The following TIAM1 variants were observed in gnomAD, a reference collection of about 807,000 sequenced individuals.
The protein encoded by TIAM1 is rho guanine nucleotide exchange factor TIAM1.
A neutral mutation model predicts 163.5 loss-of-function variants in TIAM1; 65 were observed. The observed-to-expected ratio is 0.40, with a 90% confidence interval of 0.33 to 0.49. TIAM1 has a LOEUF of 0.49. TIAM1 is among the 20% of genes least tolerant of loss of function. The pLI is 0.77. For missense variants in TIAM1, 1,789 were observed against 2,044.7 expected (o/e 0.87, Z 2.41); for synonymous variants, 833 against 810.1 (o/e 1.03, Z -0.48).
chr21:31,245,621 C>T lies in TIAM1; in HGVS notation c.1451G>A (p.Gly484Glu), dbSNP rs2071459615. 1.3e-6 allele frequency: 2 copies of T among 1,592,986 alleles called. No individual in the cohort carries two copies. Among genetic ancestry groups the T allele is most frequent in the Middle Eastern group, 3.3e-4 (2 of 5,988 alleles). The change falls in exon 6 of 28, where the codon GGG (glycine) becomes GAG (glutamate). Residue 484 changes from glycine (G) to glutamate (E), a missense_variant. Gly to Glu is a moderately conservative substitution (Grantham distance 98). Coordinates refer to ENST00000541036, the MANE Select transcript of TIAM1 (RefSeq NM_001353694.2). ...LFFYESDGRS[G>E]IDHNSIPKHA... ...TTTGGGGATGCTGTTGTGGTCTATC[C>T]CAGACCTGCCGTCGCTCTCGTAGAA... is the stretch of plus-strand genomic sequence containing the variant.
At chr21:31,440,251 TCAGAA>T (rs2044371010) in intron 2 of TIAM1, among the ~76,000 whole-genome samples, 1 of 152,112 alleles carries the variant, frequency 6.6e-6, no homozygotes, top group African/African-American at 2.4e-5. Context: ...AATGAGAAAC[TCAGAA>T]AAAGTCTCAC....
intron 2 of TIAM1, among the ~76,000 whole-genome samples, chr21:31,392,296 C>T (rs2076978021): frequency 1.3e-5 from 2 of 152,038 alleles, no homozygotes; most frequent in Non-Finnish European, 2.9e-5. Flanking sequence ...TGAGGCTGGG[C>T]GCGGTGGCTC....
At chr21:31,286,320 T>C (rs145867045) in intron 2 of TIAM1, among the ~76,000 whole-genome samples, 3 of 152,150 alleles carry the variant, frequency 2.0e-5, no homozygotes, top group East Asian at 1.9e-4. Flanking sequence ...TCCTAGCATG[T>C]TGGGAGGCTG....
chr21:31,287,980 G>A (rs937848538), intron 2 of TIAM1, among the ~76,000 whole-genome samples: 6 of 152,082 alleles, frequency 3.9e-5, no homozygotes, highest in South Asian at 2.1e-4. Context: ...ACCAGGACTC[G>A]GTGGCCACAT....
chr21:31,493,060 CTGTT>C (rs1179286166), intron 1 of TIAM1, among the ~76,000 whole-genome samples: 1 of 152,050 alleles, frequency 6.6e-6, no homozygotes, highest in Non-Finnish European at 1.5e-5. Context: ...TTGGAACTGT[CTGTT>C]CATCAAAACC....
At chr21:31,536,982 C>T (rs1029279700) in intron 1 of TIAM1, among the ~76,000 whole-genome samples, 6 of 152,236 alleles carry the variant, frequency 3.9e-5, no homozygotes, top group African/African-American at 1.4e-4. Flanking sequence ...GGCAGGACTG[C>T]ACTCCCTCAA....
At chr21:31,199,531 CA>C (rs1242787414) in intron 12 of TIAM1, among the ~76,000 whole-genome samples, 2 of 137,924 alleles carry the variant, frequency 1.5e-5, no homozygotes, top group East Asian at 2.4e-4. Flanking sequence ...CAGCCTAGAA[CA>C]TTTTTTTTTT....
At chr21:31,321,148 G>C (rs1009707190) in intron 2 of TIAM1, among the ~76,000 whole-genome samples, 6 of 149,878 alleles carry the variant, frequency 4.0e-5, no homozygotes, top group Non-Finnish European at 5.9e-5. Flanking sequence ...AGAAGGGGGC[G>C]GGGGGGGATG....
chr21:31,411,885 T>C (rs2147241629), intron 2 of TIAM1, among the ~76,000 whole-genome samples: 1 of 145,292 alleles, frequency 6.9e-6, no homozygotes, highest in East Asian at 2.2e-4. Context: ...TAATGGGCAA[T>C]CGGACAGCAC....
At chr21:31,284,280 CTTGG>C (rs1461680937) in intron 2 of TIAM1, among the ~76,000 whole-genome samples, 3 of 152,118 alleles carry the variant, frequency 2.0e-5, no homozygotes, top group Non-Finnish European at 4.4e-5. Context: ...ATATCAACAC[CTTGG>C]TTTAGAAGAG....
intron 8 of TIAM1, among the ~76,000 whole-genome samples, chr21:31,219,024 C>CTTTT (rs35555743): frequency 1.2e-4 from 11 of 88,530 alleles, no homozygotes; most frequent in Admixed American, 4.8e-4. Context: ...GAAGCATTTC[C>CTTTT]TTTTTTTTTT....
intron 2 of TIAM1, among the ~76,000 whole-genome samples, chr21:31,337,369 C>T (rs1230972707): frequency 3.9e-5 from 6 of 152,068 alleles, no homozygotes; most frequent in Admixed American, 3.3e-4. Flanking sequence ...CCCCTAAAGG[C>T]ACCCTCCACC....
intron 6 of TIAM1, among the ~76,000 whole-genome samples, chr21:31,238,326 C>T (rs182894436): frequency 6.6e-6 from 1 of 152,224 alleles, no homozygotes; most frequent in East Asian, 1.9e-4. Context: ...GGTATCCAAA[C>T]AGCAGTAATT....
chr21:31,349,721 C>A (rs1391815970), intron 2 of TIAM1, among the ~76,000 whole-genome samples: 1 of 152,112 alleles, frequency 6.6e-6, no homozygotes, highest in Non-Finnish European at 1.5e-5. Flanking sequence ...CAGGGAGTAT[C>A]CCATCGGGGA....
intron 2 of TIAM1, among the ~76,000 whole-genome samples, chr21:31,319,789 A>AG (rs1387967631): frequency 1.3e-5 from 2 of 151,392 alleles, no homozygotes; most frequent in Non-Finnish European, 2.9e-5. Context: ...CAAAAAAAAA[A>AG]AAAAAAAAAA....
chr21:31,448,636 C>A (rs1479629389), intron 2 of TIAM1, among the ~76,000 whole-genome samples: 2 of 148,542 alleles, frequency 1.3e-5, no homozygotes, highest in African/African-American at 4.9e-5. Context: ...ACAAGAAGTG[C>A]AAATTGGAGA....
intron 2 of TIAM1, among the ~76,000 whole-genome samples, chr21:31,463,584 G>A (rs541425799): frequency 1.3e-5 from 2 of 152,238 alleles, no homozygotes; most frequent in South Asian, 4.2e-4. Flanking sequence ...TTGGGAGGCC[G>A]AGGCAGACGG....
chr21:31,433,050 T>A (rs2044097111), intron 2 of TIAM1, among the ~76,000 whole-genome samples: 1 of 152,320 alleles, frequency 6.6e-6, no homozygotes, highest in South Asian at 2.1e-4. Flanking sequence ...TATCCAACAT[T>A]GAAGTAATGG....
intron 1 of TIAM1, among the ~76,000 whole-genome samples, chr21:31,486,578 C>T (rs1292744212): frequency 6.6e-6 from 1 of 152,364 alleles, no homozygotes; most frequent in East Asian, 1.9e-4. Context: ...TGCCTTTTTA[C>T]ATTCATCTGC....
Sources: allele counts gnomAD v4.1 joint callset (sites outside exome capture counted in the v4.1 genomes callset), GRCh38; gene constraint gnomAD v4.1.1; transcripts MANE v1.5; gene names NCBI Gene and HGNC (gene_info 2026-07-23, HGNC 2026-07-21).